E2F3: variants seen among roughly 807,000 people sequenced by gnomAD.
The protein encoded by E2F3 is E2F transcription factor 3.
E2F3 carries 11 observed loss-of-function variants against 44.4 expected under a neutral mutation model. The observed-to-expected ratio is 0.25, with a 90% confidence interval of 0.16 to 0.41. E2F3 has a LOEUF of 0.41. E2F3 is among the 10% of genes least tolerant of loss of function. The pLI, the probability that E2F3 is intolerant of heterozygous loss-of-function variation, is 1.00. For missense variants in E2F3, 487 were observed against 583.6 expected (o/e 0.83, Z 1.70); for synonymous variants, 249 against 253.0 (o/e 0.98, Z 0.15).
At chr6:20,429,410 C>T (rs1325800591) in intron 1 of E2F3, among the ~76,000 whole-genome samples, 1 of 152,212 alleles carries the variant, frequency 6.6e-6, no homozygotes, top group Non-Finnish European at 1.5e-5. Flanking sequence ...GGACTTGAGT[C>T]ATCCCCTTTG....
chr6:20,484,397 G>A (rs920848228), intron 4 of E2F3, among the ~76,000 whole-genome samples: 13 of 152,164 alleles, frequency 8.5e-5, no homozygotes, highest in Non-Finnish European at 1.6e-4. Context: ...TTGAGTAATC[G>A]TAGATGAGTT....
At chr6:20,458,217 G>A (rs1320637492) in intron 1 of E2F3, among the ~76,000 whole-genome samples, 1 of 152,146 alleles carries the variant, frequency 6.6e-6, no homozygotes, top group Non-Finnish European at 1.5e-5. Context: ...CCACATTACT[G>A]TAACAGGGAG....
chr6:20,428,549 C>T (rs1760293314), intron 1 of E2F3, among the ~76,000 whole-genome samples: 1 of 152,238 alleles, frequency 6.6e-6, no homozygotes, highest in African/African-American at 2.4e-5. Context: ...TAACATGGGA[C>T]GGTTAATGAC....
intron 1 of E2F3, among the ~76,000 whole-genome samples, chr6:20,474,774 T>G: frequency 6.6e-6 from 1 of 152,370 alleles, no homozygotes. Flanking sequence ...ATCAAAATTC[T>G]TAGCCCTTTT....
chr6:20,407,792 T>A (rs1759539423), intron 1 of E2F3, among the ~76,000 whole-genome samples: 1 of 152,232 alleles, frequency 6.6e-6, no homozygotes, highest in African/African-American at 2.4e-5. Flanking sequence ...TACATCTACT[T>A]TCCCAAGCTA....
chr6:20,435,974 C>CTT (rs68162662), intron 1 of E2F3, among the ~76,000 whole-genome samples: 4 of 140,554 alleles, frequency 2.8e-5, no homozygotes, highest in African/African-American at 8.9e-5. Flanking sequence ...AAGAATTGTC[C>CTT]TTTTTTTTTT....
Position 20,479,952 on chromosome 6 carries a change from C to T in E2F3, c.500C>T (p.Pro167Leu). The change falls in exon 2 of 7, where the codon CCA becomes CTA. Residue 167 changes from proline (P) to leucine (L), a missense_variant. Transcript: ENST00000346618. ...GRAALRSPDS[P>L]KTPKSPSEKT... is the part of the protein sequence containing the mutation. ...GCTGCACTACGAAGTCCAGATAGTC[C>T]AAAAAGTAAGGATCTTTTCATCTCT... 1 of 1,606,278 alleles carries T rather than the reference C, an allele frequency of 6.2e-7. No homozygotes were observed. The highest frequency in any genetic ancestry group is 1.1e-5 in the South Asian group (1 of 89,608).
intron 1 of E2F3, among the ~76,000 whole-genome samples, chr6:20,462,865 T>C (rs1246423183): frequency 8.7e-3 from 76 of 8,686 alleles, no homozygotes; most frequent in African/African-American, 0.012. Flanking sequence ...CTCTCTTTTT[T>C]TTTTTTTTTT....
chr6:20,478,629 C>T (rs570767643), intron 1 of E2F3, among the ~76,000 whole-genome samples: 5 of 152,124 alleles, frequency 3.3e-5, no homozygotes, highest in East Asian at 1.9e-4. Flanking sequence ...GCCAACATGG[C>T]GAAACCCCGT....
chr6:20,430,567 A>G (rs754937782), intron 1 of E2F3, among the ~76,000 whole-genome samples: 25 of 152,234 alleles, frequency 1.6e-4, no homozygotes, highest in Admixed American at 6.5e-5. Context: ...TTCACGTGAC[A>G]TTCAGAAGTA....
chr6:20,455,902 A>G (rs1404522583), intron 1 of E2F3, among the ~76,000 whole-genome samples: 1 of 152,150 alleles, frequency 6.6e-6, no homozygotes, highest in Non-Finnish European at 1.5e-5. Flanking sequence ...TGCCGTGGCC[A>G]CACCTCAGGG....
chr6:20,416,695 G>A (rs1413611478), intron 1 of E2F3, among the ~76,000 whole-genome samples: 1 of 152,154 alleles, frequency 6.6e-6, no homozygotes, highest in Non-Finnish European at 1.5e-5. Flanking sequence ...CCAAGTTTGT[G>A]TGTGAATCAG....
chr6:20,450,973 C>G (rs1792280909), intron 1 of E2F3, among the ~76,000 whole-genome samples: 3 of 152,040 alleles, frequency 2.0e-5, no homozygotes, highest in Admixed American at 2.0e-4. Context: ...CTCATTCTGT[C>G]CCATTGGTCT....
At chr6:20,423,421 C>T (rs888871478) in intron 1 of E2F3, among the ~76,000 whole-genome samples, 1 of 152,196 alleles carries the variant, frequency 6.6e-6, no homozygotes, top group Non-Finnish European at 1.5e-5. Context: ...TATATACAGT[C>T]TGCTGTCGAC....
Position 20,482,858 on chromosome 6 carries a change from T to C in E2F3, c.822T>C (p.Asp274=). The C allele has an allele frequency of 6.2e-7, 1 of 1,613,842 alleles. No homozygotes were observed. The highest frequency in any genetic ancestry group is 1.3e-5 in the African/African-American group (1 of 75,016). Residue 274 remains aspartate, a synonymous_variant, in exon 4 of 7, where the codon GAT becomes GAC. Transcript: ENST00000346618. ...TCAGTCAGGAAGAGAAGAAATTAGA[T>C]GAACTGATCCAAAGCTGCACCCTGG... The part of the protein sequence containing the change: ...TELSQEEKKL[D]ELIQSCTLDL...
intron 1 of E2F3, among the ~76,000 whole-genome samples, chr6:20,467,990 G>T (rs1441408686): frequency 1.3e-5 from 2 of 152,050 alleles, no homozygotes; most frequent in Admixed American, 1.3e-4. Flanking sequence ...ATGAGCTAGG[G>T]ATGTTCTAGC....
rs541452906 is a variant in E2F3, at chr6:20,492,570, T to C, written c.*2140T>C. The C allele has an allele frequency of 8.6e-6, 2 of 233,024 alleles. No individual in the cohort carries two copies. The highest frequency in any genetic ancestry group is 5.6e-5 in the Admixed American group (1 of 17,770). 14.4% of individuals were successfully genotyped at this position (233,024 alleles called of 1,614,324 possible). On this transcript the variant is annotated 3_prime_UTR_variant, in exon 7 of 7. Transcript: ENST00000346618. The stretch of plus-strand genomic sequence containing the variant: ...TTAGCTGCCTCTGCTTCCAGCTTTG[T>C]GTAATTCTCTTTGCCAGCTGCACAA...
chr6:20,472,001 TA>T (rs1004246760), intron 1 of E2F3, among the ~76,000 whole-genome samples: 1 of 146,878 alleles, frequency 6.8e-6, no homozygotes, highest in African/African-American at 2.5e-5. Flanking sequence ...CTATAGAGAT[TA>T]AACTCCAGCC....
chr6:20,471,136 T>C (rs1172244836), intron 1 of E2F3, among the ~76,000 whole-genome samples: 1 of 152,266 alleles, frequency 6.6e-6, no homozygotes, highest in Non-Finnish European at 1.5e-5. Context: ...TTGCTTTCTA[T>C]GCATATAATT....
Sources: gnomAD v4.1 joint callset for allele counts (sites outside exome capture counted in the v4.1 genomes callset) on GRCh38, gnomAD v4.1.1 for gene constraint, MANE v1.5 for transcripts, NCBI Gene and HGNC (gene_info 2026-07-23, HGNC 2026-07-21) for gene names.